KCTD18: variants seen among roughly 807,000 people sequenced by gnomAD.
KCTD18 encodes the protein potassium channel tetramerization domain containing 18, also known as BTB/POZ domain-containing protein KCTD18.
KCTD18 carries 22 observed loss-of-function variants against 30.4 expected under a neutral mutation model. That is an observed-to-expected ratio of 0.72 (90% CI 0.52 to 1.03). The LOEUF is 1.03. Among genes scored for constraint, KCTD18 ranks in the 50% least tolerant of loss-of-function variants. The pLI is 0.00. For missense variants in KCTD18, 529 were observed against 547.6 expected (o/e 0.97, Z 0.34); for synonymous variants, 186 against 209.0 (o/e 0.89, Z 0.95).
chr2:200,490,160 G>C lies in KCTD18; in HGVS notation c.1221C>G (p.Pro407=), dbSNP rs772162977. The C allele has an allele frequency of 1.2e-6, 2 of 1,608,840 alleles. No individual in the cohort carries two copies. Among genetic ancestry groups the C allele is most frequent in the Non-Finnish European group, 1.7e-6 (2 of 1,175,734 alleles). ...CTCCCAAGGCACGGGCAGCTTCGCC[G>C]GGAAGCGGCTTGAGGGAGTTGGCCT... is the stretch of plus-strand genomic sequence containing the variant. The part of the protein sequence containing the change: ...TRQANSLKPL[P]GEAARALGVR... Residue 407 remains proline (P), a synonymous_variant, in exon 7 of 7, where the codon CCC becomes CCG. Coordinates refer to ENST00000359878, the MANE Select transcript of KCTD18 (RefSeq NM_152387.4).
chr2:200,507,598 A>G (rs2030270107), intron 1 of KCTD18, among the ~76,000 whole-genome samples: 1 of 152,226 alleles, frequency 6.6e-6, no homozygotes, highest in African/African-American at 2.4e-5. Context: ...TAATTAAAAG[A>G]ATATATAAAA....
At position 200,504,794 on chromosome 2, in the gene KCTD18, T is replaced by C. The variant is rs756964588; in HGVS notation, c.326A>G (p.Asn109Ser). ...CCTTAAAGAATATGTCTCCATTTCATTGGCCAAATGGTCAGACAGGCTGTA... is the reference window on the plus strand; with the variant it reads ...CCTTAAAGAATATGTCTCCATTTCACTGGCCAAATGGTCAGACAGGCTGTA... ...YPYSLSDHLA[N>S]EMETYSLRSN... The change falls in exon 3 of 7, where the codon AAT becomes AGT. Residue 109 changes from asparagine to serine, a missense_variant. Transcript: ENST00000359878. 14 of 1,614,194 alleles carry C rather than the reference T, an allele frequency of 8.7e-6. No individual in the cohort carries two copies. Among genetic ancestry groups the C allele is most frequent in the Admixed American group, 3.3e-5 (2 of 60,022 alleles).
chr2:200,497,827 T>A lies in KCTD18; in HGVS notation c.587A>T (p.Gln196Leu). 1 of 1,610,696 alleles carries A rather than the reference T, an allele frequency of 6.2e-7. No individual in the cohort carries two copies. The highest frequency in any genetic ancestry group is 8.5e-7 in the Non-Finnish European group (1 of 1,177,858). ...TACTGAATAATAGCTCCAAATGTACTGAACATTATTTCCCGCCTCTCTAGA... is the reference window on the plus strand; with the variant it reads ...TACTGAATAATAGCTCCAAATGTACAGAACATTATTTCCCGCCTCTCTAGA... ...IFKREAGNNV[Q>L]YIWSYYSVAE... The change falls in exon 5 of 7, where the codon CAG (glutamine) becomes CTG (leucine). Residue 196 changes from glutamine to leucine, a missense_variant. Transcript: ENST00000359878.
In KCTD18 at chr2:200,493,217, C is replaced by T. The variant is rs1287019812; in HGVS notation, c.719G>A (p.Arg240Gln). The change falls in exon 6 of 7, where the codon CGG becomes CAG. Residue 240 changes from arginine to glutamine, a missense_variant. Transcript: ENST00000359878. ...GTGACGCAGGCTTCCAAGTAAAGGC[C>T]GTTCTTCTAGAGTCCAACACTCTAT... Reference protein sequence around the residue: ...ELIECWTLEERPLLGSLRHMA... With the variant: ...ELIECWTLEEQPLLGSLRHMA... The T allele has an allele frequency of 3.2e-5, 51 of 1,613,378 alleles. No individual in the cohort carries two copies. Among genetic ancestry groups the T allele is most frequent in the Non-Finnish European group, 3.9e-5 (46 of 1,179,592 alleles).
intron 1 of KCTD18, among the ~76,000 whole-genome samples, chr2:200,508,686 G>A (rs1344686590): frequency 6.6e-6 from 1 of 152,210 alleles, no homozygotes; most frequent in Non-Finnish European, 1.5e-5. Context: ...GACCATGTGT[G>A]TAGAATACGG....
chr2:200,490,714 G>T, intron 6 of KCTD18, 98 bp from the exon 7 acceptor site: 1 of 1,359,986 alleles, frequency 7.4e-7, no homozygotes, highest in Non-Finnish European at 9.9e-7. Context: ...GAAAGGTTTT[G>T]GTCAAGAATT....
At position 200,504,775 on chromosome 2, in the gene KCTD18, A is replaced by G. The variant is rs543235221; in HGVS notation, c.345T>C (p.Ser115=). The part of the protein sequence containing the change: ...DHLANEMETY[S]LRSNIELKKA... ...TTTTAAGTTCTATATTTGACCTTAAAGAATATGTCTCCATTTCATTGGCCA... is the reference window on the plus strand; with the variant it reads ...TTTTAAGTTCTATATTTGACCTTAAGGAATATGTCTCCATTTCATTGGCCA... The change falls in exon 3 of 7, where the codon TCT becomes TCC. Residue 115 remains serine (S), a synonymous_variant. Coordinates refer to ENST00000359878, the MANE Select transcript of KCTD18 (RefSeq NM_152387.4). The G allele has an allele frequency of 7.4e-6, 12 of 1,614,012 alleles. No individual in the cohort carries two copies. The African/African-American group carries it at 9.3e-5, about 13-fold the overall frequency.
At chr2:200,498,178 G>A (rs186674539) in intron 4 of KCTD18, among the ~76,000 whole-genome samples, 17 of 152,094 alleles carry the variant, frequency 1.1e-4, no homozygotes, top group Non-Finnish European at 1.3e-4. Context: ...AAATATTCAC[G>A]TTTCACCAGC....
chr2:200,501,814 GC>G (rs1273837763), intron 3 of KCTD18, among the ~76,000 whole-genome samples: 1 of 151,554 alleles, frequency 6.6e-6, no homozygotes, highest in African/African-American at 2.4e-5. Context: ...TATAAATCAT[GC>G]TGCTATAAAG....
intron 6 of KCTD18, among the ~76,000 whole-genome samples, chr2:200,491,388 A>C (rs776428388): frequency 6.6e-6 from 1 of 152,226 alleles, no homozygotes. Context: ...TTTTCTTTAT[A>C]AATTACCCAG....
intron 3 of KCTD18, among the ~76,000 whole-genome samples, chr2:200,503,841 T>C (rs2030009898): frequency 6.6e-6 from 1 of 152,204 alleles, no homozygotes; most frequent in African/African-American, 2.4e-5. Context: ...AACAATTTTC[T>C]AAGAAAAATA....
chr2:200,507,532 C>T (rs1011287192), intron 1 of KCTD18, among the ~76,000 whole-genome samples: 10 of 152,300 alleles, frequency 6.6e-5, no homozygotes, highest in South Asian at 4.1e-4. Flanking sequence ...ACTTATCTTC[C>T]TCTTCCATAA....
chr2:200,493,781 T>C (rs1463499883), intron 5 of KCTD18, among the ~76,000 whole-genome samples: 5 of 152,224 alleles, frequency 3.3e-5, no homozygotes, highest in Admixed American at 3.3e-4. Context: ...AACTGTCAAG[T>C]ACCTTTATTC....
At chr2:200,504,449 ACT>A (rs1246026685) in intron 3 of KCTD18, among the ~76,000 whole-genome samples, 10 of 138,368 alleles carry the variant, frequency 7.2e-5, no homozygotes, top group Admixed American at 3.8e-4. Flanking sequence ...ACAGAGCAAG[ACT>A]CTGCCTCAAA....
intron 4 of KCTD18, 65 bp downstream of exon 4, chr2:200,498,826 G>C: frequency 2.8e-6 from 4 of 1,420,708 alleles, no homozygotes; most frequent in Non-Finnish European, 4.0e-6. Flanking sequence ...ATTTCATTCA[G>C]AAACACCTCT....
chr2:200,500,062 C>CT (rs1368894804), intron 3 of KCTD18, among the ~76,000 whole-genome samples: 1 of 151,786 alleles, frequency 6.6e-6, no homozygotes, highest in African/African-American at 2.4e-5. Flanking sequence ...CAGAAAAGGC[C>CT]TTTGACAAAA....
In KCTD18 at chr2:200,510,025, A is replaced by C. The variant is rs1481794943; in HGVS notation, c.-473T>G. ...CCCAGACTGACCTGCGGCCCGCCAG[A>C]CCCTCGGCGCGGCCGCCGGACGCCG... On this transcript the variant is annotated 5_prime_UTR_variant, in exon 1 of 7. Transcript: ENST00000359878. The C allele has an allele frequency of 6.6e-6, 1 of 151,960 alleles. No homozygotes were observed. The highest frequency in any genetic ancestry group is 1.5e-5 in the Non-Finnish European group (1 of 67,966). 9.4% of individuals were successfully genotyped at this position (151,960 alleles called of 1,614,324 possible).
chr2:200,506,084 C>A (rs2030180274), intron 2 of KCTD18, among the ~76,000 whole-genome samples: 1 of 152,154 alleles, frequency 6.6e-6, no homozygotes, highest in South Asian at 2.1e-4. Context: ...ACCAGCAAAG[C>A]AACCTCCTAA....
intron 5 of KCTD18, chr2:200,496,929 A>T (rs2088005677): frequency 6.6e-6 from 1 of 152,400 alleles, no homozygotes; most frequent in African/African-American, 2.4e-5. Context: ...CAGCCTCCCA[A>T]GTAACTGAGA....
Sources: allele counts gnomAD v4.1 joint callset (sites outside exome capture counted in the v4.1 genomes callset), GRCh38; gene constraint gnomAD v4.1.1; transcripts MANE v1.5; gene names NCBI Gene and HGNC (gene_info 2026-07-23, HGNC 2026-07-21).